The following DMD variants were observed in gnomAD, a reference collection of about 807,000 sequenced individuals.
The protein encoded by DMD is mutant dystrophin.
DMD carries 63 observed loss-of-function variants against 330.1 expected under a neutral mutation model. The ratio of observed to expected loss-of-function variants is 0.19; its 90% CI spans 0.16 to 0.24. The LOEUF (loss-of-function observed/expected upper bound fraction) is 0.24. DMD is among the 10% of genes least tolerant of loss of function. The pLI, the probability that DMD is intolerant of heterozygous loss-of-function variation, is 1.00. For missense variants in DMD, 3,344 were observed against 2,684.1 expected, an observed-to-expected ratio of 1.25 and a Z score of -5.43; for synonymous variants, 1,223 against 959.8, an observed-to-expected ratio of 1.27 and a Z score of -5.07.
chrX:32,691,981 ATAG>A (rs57766223), intron 9 of DMD, among the ~76,000 whole-genome samples: 4,386 of 111,114 alleles, frequency 0.039, 241 homozygotes, highest in African/African-American at 0.14. Flanking sequence ...AGAGAGTGAA[ATAG>A]TAGTTGCTAG....
intron 60 of DMD, among the ~76,000 whole-genome samples, chrX:31,371,413 T>A (rs765351109): frequency 3.6e-5 from 4 of 111,793 alleles, no homozygotes; most frequent in Non-Finnish European, 7.5e-5. Context: ...TCAGAAGGCT[T>A]CAATGGCGAA....
At chrX:32,861,787 C>A (rs749357185) in intron 2 of DMD, among the ~76,000 whole-genome samples, 17 of 111,772 alleles carry the variant, frequency 1.5e-4, no homozygotes, top group Non-Finnish European at 7.5e-5. Context: ...AGTCCACAGA[C>A]ATCAGCCTCC....
At chrX:31,938,479 T>C (rs752270737) in intron 45 of DMD, among the ~76,000 whole-genome samples, 4 of 112,025 alleles carry the variant, frequency 3.6e-5, no homozygotes, top group African/African-American at 1.3e-4. Flanking sequence ...CAAAATATTA[T>C]GTCATTAGAT....
intron 16 of DMD, among the ~76,000 whole-genome samples, chrX:32,561,582 A>G (rs1363071988): frequency 8.9e-6 from 1 of 111,733 alleles, no homozygotes; most frequent in African/African-American, 3.3e-5. Flanking sequence ...TGGAAATCAC[A>G]CTTCAGGATA....
chrX:32,145,484 G>A (rs1569546806), intron 44 of DMD, among the ~76,000 whole-genome samples: 1 of 112,277 alleles, frequency 8.9e-6, no homozygotes, highest in Non-Finnish European at 1.9e-5. Context: ...CCTTGCAGCA[G>A]CAAATGTGTC....
chrX:33,145,645 A>ATG (rs2047991538), intron 1 of DMD, among the ~76,000 whole-genome samples: 1 of 107,793 alleles, frequency 9.3e-6, no homozygotes, highest in Non-Finnish European at 1.9e-5. Flanking sequence ...AATACTAAAT[A>ATG]TATATATATA....
At chrX:32,215,744 G>A (rs1363987075) in intron 44 of DMD, among the ~76,000 whole-genome samples, 2 of 111,285 alleles carry the variant, frequency 1.8e-5, no homozygotes, top group African/African-American at 6.5e-5. Context: ...TGCTACATTA[G>A]CCCAAAATTC....
intron 1 of DMD, among the ~76,000 whole-genome samples, chrX:33,160,796 G>A (rs2048734054): frequency 9.0e-6 from 1 of 111,233 alleles, no homozygotes; most frequent in African/African-American, 3.3e-5. Flanking sequence ...GATAATCTTG[G>A]TCTTGCCTGC....
chrX:31,949,893 T>G (rs1367921800), intron 45 of DMD, among the ~76,000 whole-genome samples: 1 of 110,643 alleles, frequency 9.0e-6, no homozygotes, highest in Non-Finnish European at 1.9e-5. Context: ...GGTAATTCTT[T>G]TTTTTTTGGT....
intron 60 of DMD, among the ~76,000 whole-genome samples, chrX:31,374,782 C>G (rs1184735800): frequency 9.2e-6 from 1 of 108,403 alleles, no homozygotes; most frequent in Non-Finnish European, 1.9e-5. Flanking sequence ...TGTAACTAAC[C>G]TGCACATTGT....
At chrX:32,916,414 A>T (rs974197610) in intron 2 of DMD, among the ~76,000 whole-genome samples, 1 of 111,931 alleles carries the variant, frequency 8.9e-6, no homozygotes, top group African/African-American at 3.2e-5. Flanking sequence ...CTTGATTCCA[A>T]TGTCCAGAAA....
intron 2 of DMD, among the ~76,000 whole-genome samples, chrX:33,010,136 A>G (rs1393305188): frequency 4.0e-5 from 4 of 99,701 alleles, no homozygotes; most frequent in African/African-American, 7.7e-5. Context: ...ATATATGTAT[A>G]TATACGTGTA....
intron 7 of DMD, among the ~76,000 whole-genome samples, chrX:32,718,439 C>G (rs2065943806): frequency 9.0e-6 from 1 of 111,567 alleles, no homozygotes; most frequent in South Asian, 3.8e-4. Context: ...CCCAGCCATG[C>G]TTCCCATACA....
At chrX:31,208,835 T>C (rs1467926757) in intron 65 of DMD, among the ~76,000 whole-genome samples, 1 of 109,040 alleles carries the variant, frequency 9.2e-6, no homozygotes, top group Non-Finnish European at 1.9e-5. Context: ...TCTTCAATTG[T>C]CTTCATTAAG....
At chrX:33,185,964 T>C (rs1300093985) in intron 1 of DMD, among the ~76,000 whole-genome samples, 1 of 112,045 alleles carries the variant, frequency 8.9e-6, no homozygotes. Flanking sequence ...TGCATTACAT[T>C]GAGAAACTCT....
chrX:32,332,413 A>AGT (rs111973319), intron 41 of DMD, among the ~76,000 whole-genome samples: 2,106 of 95,267 alleles, frequency 0.022, 63 homozygotes, highest in African/African-American at 0.059. Flanking sequence ...ATGGATAAAA[A>AGT]GTGTGTGTGT....
chrX:32,774,737 G>A (rs1385382823), intron 7 of DMD, among the ~76,000 whole-genome samples: 1 of 111,034 alleles, frequency 9.0e-6, no homozygotes, highest in Non-Finnish European at 1.9e-5. Flanking sequence ...ATTACAATTT[G>A]AGACAAAATT....
intron 52 of DMD, among the ~76,000 whole-genome samples, chrX:31,682,983 TA>T (rs1350097894): frequency 2.4e-4 from 27 of 111,974 alleles, no homozygotes; most frequent in Admixed American, 2.0e-3. Flanking sequence ...CCTGAACCAT[TA>T]TTTCAGGCAA....
At chrX:32,953,132 CAA>C (rs956888529) in intron 2 of DMD, among the ~76,000 whole-genome samples, 35 of 48,291 alleles carry the variant, frequency 7.2e-4, no homozygotes, top group East Asian at 1.8e-3. Context: ...AAGACTCCAC[CAA>C]AAAAAAAAAA....
Sources: allele counts gnomAD v4.1 joint callset (sites outside exome capture counted in the v4.1 genomes callset), GRCh38; gene constraint gnomAD v4.1.1; transcripts MANE v1.5; gene names NCBI Gene and HGNC (gene_info 2026-07-23, HGNC 2026-07-21).